Variants in ATXN2L observed in about 807,000 individuals in gnomAD.
ATXN2L encodes ataxin-2-like protein.
A neutral mutation model predicts 120.7 loss-of-function variants in ATXN2L; 24 were observed. The observed-to-expected ratio is 0.20, with a 90% CI of 0.14 to 0.28. The LOEUF is 0.28. Ranked by LOEUF, ATXN2L falls within the 10% of genes least tolerant of loss-of-function variation. ATXN2L has a pLI of 1.00. For missense variants in ATXN2L, 1,312 were observed against 1,432.3 expected (o/e 0.92, Z 1.36); for synonymous variants, 653 against 568.1 (o/e 1.15, Z -2.13).
rs761032903 is a variant in ATXN2L at position 28,824,523 on chromosome 16, C to T, written c.300-843C>T. The T allele has an allele frequency of 4.1e-5, 53 of 1,287,784 alleles. No individual in the cohort carries two copies. In the South Asian group the frequency reaches 4.7e-4, roughly 11 times the overall value. The allele number at this position is 1,287,784 out of a possible 1,614,324, so 79.8% of individuals were successfully genotyped here. ...GCCAGCGACGAGCAGGGTTACCTGGCGATTGGTGATCCCCGCAGAGTGGGT... is the reference window on the plus strand; with the variant it reads ...GCCAGCGACGAGCAGGGTTACCTGGTGATTGGTGATCCCCGCAGAGTGGGT... On this transcript the variant is annotated intron_variant, in intron 1 of 21. Transcript: ENST00000336783.
At chr16:28,826,550 A>G (rs1027424402) in intron 5 of ATXN2L, 160 bp downstream of exon 5, 3 of 776,756 alleles carry the variant, frequency 3.9e-6, no homozygotes, top group Non-Finnish European at 6.0e-6. Flanking sequence ...AAGTGGGTGG[A>G]TTTTTCTTCT....
At chr16:28,829,576 T>G (rs1389086676) in intron 7 of ATXN2L, 84 bp downstream of exon 7, 2 of 1,090,288 alleles carry the variant, frequency 1.8e-6, no homozygotes, top group African/African-American at 3.1e-5. Flanking sequence ...GAACATAGTT[T>G]TTGCTCATTT....
intron 1 of ATXN2L, chr16:28,824,410 A>C (rs1364076065): frequency 1.6e-6 from 2 of 1,279,336 alleles, no homozygotes; most frequent in Non-Finnish European, 2.0e-6. Context: ...AGACCGGGCG[A>C]GGCCTCCCGG....
At chr16:28,834,937 A>G in intron 18 of ATXN2L, 121 bp from the exon 19 acceptor site, 1 of 1,354,580 alleles carries the variant, frequency 7.4e-7, no homozygotes, top group Non-Finnish European at 1.0e-6. Context: ...GATCGTTATG[A>G]ATGTTGAATC....
intron 6 of ATXN2L, 36 bp from the exon 7 acceptor site, chr16:28,829,365 C>A (rs746754624): frequency 6.9e-7 from 1 of 1,446,172 alleles, no homozygotes; most frequent in Non-Finnish European, 9.7e-7. Flanking sequence ...GTTGCTTTTC[C>A]TGCTGGGTTT....
At chr16:28,823,807 G>T in intron 1 of ATXN2L, 2 of 396,400 alleles carry the variant, frequency 5.0e-6, no homozygotes, top group Non-Finnish European at 8.6e-6. Context: ...CCGGCCTTCA[G>T]GGGAGGCGGG....
rs2054804852 is a variant in ATXN2L at position 28,832,338 on chromosome 16, A to G, written c.1455A>G (p.Ser485=). Residue 485 remains serine (S), a synonymous_variant, in exon 11 of 22, where the codon TCA becomes TCG. Coordinates refer to ENST00000336783, the MANE Select transcript of ATXN2L (RefSeq NM_007245.4). ...SASIPVTSSV[S]DPGVGSISPA... ...CCATCCCTGTGACCTCATCAGTCTC[A>G]GATCCTGGAGTGGGCTCCATTTCTC... is the stretch of plus-strand genomic sequence containing the variant. 6.2e-7 allele frequency: 1 copy of G among 1,614,188 alleles called. No individual in the cohort carries two copies. The highest frequency in any genetic ancestry group is 1.3e-5 in the African/African-American group (1 of 75,046).
chr16:28,835,705 A>T lies in ATXN2L; in HGVS notation c.2842A>T (p.Ile948Phe). The T allele has an allele frequency of 6.2e-7, 1 of 1,613,882 alleles. No homozygotes were observed. Among genetic ancestry groups the T allele is most frequent in the Non-Finnish European group, 8.5e-7 (1 of 1,179,938 alleles). The change falls in exon 21 of 22, where the codon ATC (isoleucine) becomes TTC (phenylalanine). Residue 948 changes from isoleucine to phenylalanine, a missense_variant. Coordinates refer to ENST00000336783, the MANE Select transcript of ATXN2L (RefSeq NM_007245.4). Reference protein sequence around the residue: ...SFPQPAAVYAIHHQQLPHGFT... With the variant: ...SFPQPAAVYAFHHQQLPHGFT... ...CCCCCAGCCAGCCGCTGTGTATGCC[A>T]TCCACCACCAGCAGCTGCCCCACGG...
chr16:28,836,904 C>A lies in ATXN2L; in HGVS notation c.*639C>A, dbSNP rs762505587. The A allele has an allele frequency of 4.7e-5, 48 of 1,024,136 alleles. No homozygotes were observed. Among genetic ancestry groups the A allele is most frequent in the Non-Finnish European group, 6.2e-5 (43 of 688,834 alleles). The allele number at this position is 1,024,136 out of a possible 1,614,324, so 63.4% of individuals were successfully genotyped here. A position where few individuals can be genotyped will look rare whatever the true frequency, so the allele number is the denominator to read the frequency against. On this transcript the variant is annotated 3_prime_UTR_variant, in exon 22 of 22. Coordinates refer to ENST00000336783, the MANE Select transcript of ATXN2L (RefSeq NM_007245.4). ...CGTTCCCCAGGGGAGCTGGGGAATTCCTGCCAAGCACCTTGAATGGGAGGG... is the reference window on the plus strand; with the variant it reads ...CGTTCCCCAGGGGAGCTGGGGAATTACTGCCAAGCACCTTGAATGGGAGGG...
At chr16:28,823,991 A>G in intron 1 of ATXN2L, 1 of 553,676 alleles carries the variant, frequency 1.8e-6, no homozygotes, top group Non-Finnish European at 2.3e-6. Context: ...CGCGGCCCAC[A>G]GTTTGGCCAA....
chr16:28,830,936 C>CAA (rs373844681), intron 9 of ATXN2L, 26 bp from the exon 10 acceptor site: 25,033 of 1,228,206 alleles, frequency 0.02, no homozygotes, highest in South Asian at 0.027. Context: ...ATTTTCTTCT[C>CAA]AAAAAAAAAA....
At chr16:28,826,559 C>G in intron 5 of ATXN2L, 169 bp downstream of exon 5, 2 of 735,042 alleles carry the variant, frequency 2.7e-6, no homozygotes, top group Non-Finnish European at 4.3e-6. Flanking sequence ...GATTTTTCTT[C>G]TTAAAAATAT....
At chr16:28,828,791 C>G (rs1165197189) in intron 6 of ATXN2L, among the ~76,000 whole-genome samples, 1 of 151,998 alleles carries the variant, frequency 6.6e-6, no homozygotes, top group Admixed American at 6.6e-5. Context: ...CTCTGTCACT[C>G]AGGCTGGAGG....
intron 13 of ATXN2L, 41 bp downstream of exon 13, chr16:28,832,928 G>A: frequency 6.2e-7 from 1 of 1,609,216 alleles, no homozygotes; most frequent in Non-Finnish European, 8.5e-7. Context: ...GGGTAAAGGG[G>A]TTGGGAGTGG....
In ATXN2L at chr16:28,835,141, C is replaced by T. The variant is rs757817721; in HGVS notation, c.2517C>T (p.Thr839=). 6.8e-6 allele frequency: 11 copies of T among 1,613,906 alleles called. No homozygotes were observed. The highest frequency in any genetic ancestry group is 4.4e-5 in the South Asian group (4 of 91,054). The part of the protein sequence containing the change: ...SHPQAIVSSS[T]PQYPSAEQPT... Reference sequence around the variant, plus strand: ...CCCAGGCCATCGTGTCATCCTCTACCCCTCAGTACCCTTCTGCAGAGCAGC... The same window carrying T: ...CCCAGGCCATCGTGTCATCCTCTACTCCTCAGTACCCTTCTGCAGAGCAGC... Residue 839 remains threonine, a synonymous_variant, in exon 19 of 22, where the codon ACC becomes ACT. Coordinates refer to ENST00000336783, the MANE Select transcript of ATXN2L (RefSeq NM_007245.4).
Position 28,836,529 on chromosome 16 carries a change from G to C in ATXN2L, c.*264G>C. ...ACAGGGCCAGACTGGGGTGTGGGGG[G>C]CTGAGCTGGGCACATGAGTGAGGGC... On this transcript the variant is annotated 3_prime_UTR_variant, in exon 22 of 22. Coordinates refer to ENST00000336783, the MANE Select transcript of ATXN2L (RefSeq NM_007245.4). The C allele has an allele frequency of 1.3e-6, 2 of 1,588,650 alleles. No homozygotes were observed. Among genetic ancestry groups the C allele is most frequent in the Non-Finnish European group, 1.7e-6 (2 of 1,169,162 alleles).
rs1275001677 is a variant in ATXN2L, at chr16:28,823,510, C to A, written c.251C>A (p.Pro84Gln). The part of the protein sequence containing the change: ...EGILAPQPPP[P>Q]QQHQERPGAA... ...ATCTTGGCGCCGCAGCCGCCGCCGC[C>A]GCAGCAACACCAGGAGAGGCCGGGG... The change falls in exon 1 of 22, where the codon CCG becomes CAG. Residue 84 changes from proline to glutamine, a missense_variant. By Grantham distance (76) the Pro-to-Gln change is moderately conservative. Coordinates refer to ENST00000336783, the MANE Select transcript of ATXN2L (RefSeq NM_007245.4). 52 of 1,381,480 alleles carry A rather than the reference C, an allele frequency of 3.8e-5. No homozygotes were observed. The highest frequency in any genetic ancestry group is 2.6e-4 in the Middle Eastern group (1 of 3,816). 85.6% of individuals were successfully genotyped at this position (1,381,480 alleles called of 1,614,324 possible). A position where few individuals can be genotyped will look rare whatever the true frequency, so the allele number is the denominator to read the frequency against.
intron 15 of ATXN2L, 133 bp from the exon 16 acceptor site, chr16:28,833,929 TGTG>T (rs2055519999): frequency 2.9e-6 from 3 of 1,017,032 alleles, no homozygotes; most frequent in Non-Finnish European, 4.3e-6. Flanking sequence ...TAGGGTTTAA[TGTG>T]AGGCTTTATC....
At chr16:28,829,817 C>A (rs375128428) in intron 7 of ATXN2L, 41 bp from the exon 8 acceptor site, 3 of 1,600,210 alleles carry the variant, frequency 1.9e-6, no homozygotes, top group South Asian at 1.1e-5. Context: ...TCTTTTGTCC[C>A]CTGGCACTGG....
Sources: gnomAD v4.1 joint callset for allele counts (sites outside exome capture counted in the v4.1 genomes callset) on GRCh38, gnomAD v4.1.1 for gene constraint, MANE v1.5 for transcripts, NCBI Gene and HGNC (gene_info 2026-07-23, HGNC 2026-07-21) for gene names.